The following LRRC37A2 variants were observed in gnomAD, a reference collection of about 807,000 sequenced individuals.
The protein encoded by LRRC37A2 is leucine rich repeat containing 37 member A2.
A neutral mutation model predicts 68.8 loss-of-function variants in LRRC37A2; 9 were observed. That is an observed-to-expected ratio of 0.13 (90% CI 0.08 to 0.23). The LOEUF (loss-of-function observed/expected upper bound fraction) is 0.23. Among genes scored for constraint, LRRC37A2 ranks in the 10% least tolerant of loss-of-function variants. The pLI is 1.00. For missense variants in LRRC37A2, 168 were observed against 950.4 expected (o/e 0.18, Z 10.82); for synonymous variants, 63 against 367.6 (o/e 0.17, Z 9.48).
At chr17:46,784,558 A>G in the LRRC37A2 span, among the ~76,000 whole-genome samples, 2 of 152,182 alleles carry the variant, frequency 1.3e-5, no homozygotes, top group Non-Finnish European at 2.9e-5. Flanking sequence ...AGGGGCAGCC[A>G]GCCCAGCTTC....
At chr17:46,793,000 C>T in the LRRC37A2 span, among the ~76,000 whole-genome samples, 2 of 151,658 alleles carry the variant, frequency 1.3e-5, no homozygotes, top group Non-Finnish European at 2.9e-5. Flanking sequence ...GGAGGTGGCT[C>T]ACACCTGTAA....
chr17:46,867,425 A>G, the LRRC37A2 span, among the ~76,000 whole-genome samples: 1 of 152,202 alleles, frequency 6.6e-6, no homozygotes, highest in African/African-American at 2.4e-5. Flanking sequence ...TGATGGAATG[A>G]GCTCAGTTGG....
chr17:46,986,139 AG>A, the LRRC37A2 span, among the ~76,000 whole-genome samples: 34 of 151,586 alleles, frequency 2.2e-4, no homozygotes, highest in Admixed American at 1.6e-3. Context: ...GGGTGGGGCA[AG>A]GGGGGGATGC....
the LRRC37A2 span, among the ~76,000 whole-genome samples, chr17:47,008,681 T>C: frequency 6.6e-6 from 1 of 151,662 alleles, no homozygotes; most frequent in Admixed American, 6.6e-5. Context: ...GGTTTCACAA[T>C]ATTGGCCAGG....
chr17:46,454,212 G>T, the LRRC37A2 span, among the ~76,000 whole-genome samples: 1 of 105,510 alleles, frequency 9.5e-6, no homozygotes, highest in Non-Finnish European at 2.1e-5. Flanking sequence ...ATTTAAATTA[G>T]CTCAGCTATG....
chr17:46,852,637 G>A, the LRRC37A2 span, among the ~76,000 whole-genome samples: 1 of 151,946 alleles, frequency 6.6e-6, no homozygotes, highest in Admixed American at 6.6e-5. Context: ...GGGTATCATG[G>A]GTAAGAAGGC....
chr17:46,837,966 C>T, the LRRC37A2 span, among the ~76,000 whole-genome samples: 1 of 152,122 alleles, frequency 6.6e-6, no homozygotes, highest in Non-Finnish European at 1.5e-5. Context: ...GGGTGGGTGG[C>T]GTTTTCCACG....
chr17:46,842,397 C>A, the LRRC37A2 span, among the ~76,000 whole-genome samples: 1 of 152,158 alleles, frequency 6.6e-6, no homozygotes, highest in Admixed American at 6.5e-5. Context: ...TTTTTTCAGA[C>A]AGGGTCTCCC....
At chr17:46,869,073 T>C in the LRRC37A2 span, among the ~76,000 whole-genome samples, 1 of 152,292 alleles carries the variant, frequency 6.6e-6, no homozygotes, top group Admixed American at 6.5e-5. Context: ...TCATGGGCCC[T>C]GTGGGGTTCC....
the LRRC37A2 span, among the ~76,000 whole-genome samples, chr17:47,013,036 A>G: frequency 2.0e-5 from 3 of 152,364 alleles, no homozygotes; most frequent in Non-Finnish European, 4.4e-5. Context: ...ATAGAAAGGA[A>G]TAAAGTATCA....
the LRRC37A2 span, among the ~76,000 whole-genome samples, chr17:46,840,221 G>T: frequency 6.6e-6 from 1 of 151,830 alleles, no homozygotes; most frequent in Non-Finnish European, 1.5e-5. Flanking sequence ...CGAGTAGCTG[G>T]TACTACAGGT....
At chr17:46,978,672 C>A in the LRRC37A2 span, 1 of 1,609,336 alleles carries the variant, frequency 6.2e-7, no homozygotes, top group Non-Finnish European at 8.5e-7. Flanking sequence ...TGGCTGCGCC[C>A]ACGTCCTTGG....
chr17:46,539,640 G>A (rs2054909154), intron 6 of LRRC37A2, among the ~76,000 whole-genome samples: 1 of 136,496 alleles, frequency 7.3e-6, no homozygotes, highest in Non-Finnish European at 1.6e-5. Context: ...GTGGGTGCCT[G>A]TAATCCCAGC....
chr17:46,730,437 A>G, the LRRC37A2 span, among the ~76,000 whole-genome samples: 1 of 152,186 alleles, frequency 6.6e-6, no homozygotes, highest in Non-Finnish European at 1.5e-5. Flanking sequence ...AAACAGAGGT[A>G]CACCCCCTTG....
chr17:46,862,511 G>T, the LRRC37A2 span, among the ~76,000 whole-genome samples: 78 of 152,174 alleles, frequency 5.1e-4, no homozygotes, highest in Admixed American at 1.5e-3. Context: ...GTGGATAAGG[G>T]TTTGTGAATC....
chr17:46,678,438 T>G, the LRRC37A2 span, among the ~76,000 whole-genome samples: 1 of 143,456 alleles, frequency 7.0e-6, no homozygotes, highest in Non-Finnish European at 1.5e-5. Flanking sequence ...CTGAAAGATA[T>G]AAGATGAAAA....
chr17:46,710,500 T>G, the LRRC37A2 span, among the ~76,000 whole-genome samples: 1 of 152,228 alleles, frequency 6.6e-6, no homozygotes, highest in African/African-American at 2.4e-5. Flanking sequence ...ACAAAGTTGA[T>G]GTGAACATGA....
the LRRC37A2 span, among the ~76,000 whole-genome samples, chr17:46,780,472 G>C: frequency 6.6e-6 from 1 of 152,228 alleles, no homozygotes; most frequent in African/African-American, 2.4e-5. Context: ...TGCCACACCT[G>C]GTATACGCCC....
the LRRC37A2 span, among the ~76,000 whole-genome samples, chr17:47,000,091 T>TA: frequency 1.4e-3 from 88 of 62,552 alleles, 1 homozygote; most frequent in South Asian, 2.2e-3. Context: ...TAAAATAAAA[T>TA]AAAATAAAAT....
Sources: allele counts gnomAD v4.1 joint callset (sites outside exome capture counted in the v4.1 genomes callset), GRCh38; gene constraint gnomAD v4.1.1; transcripts MANE v1.5; gene names NCBI Gene and HGNC (gene_info 2026-07-23, HGNC 2026-07-21).